The following MICAL2 variants were observed in gnomAD, a reference collection of about 807,000 sequenced individuals.
The protein encoded by MICAL2 is microtubule associated monooxygenase, calponin and LIM domain containing 2.
A neutral mutation model predicts 127.3 loss-of-function variants in MICAL2; 77 were observed. That is an observed-to-expected ratio of 0.60 (90% CI 0.50 to 0.73). The LOEUF is 0.73. MICAL2 is among the 30% of genes least tolerant of loss of function. The pLI is 0.00. For missense variants in MICAL2, 1,351 were observed against 1,434.4 expected, an observed-to-expected ratio of 0.94 and a Z score of 0.94; for synonymous variants, 570 against 551.1, an observed-to-expected ratio of 1.03 and a Z score of -0.48.
intron 1 of MICAL2, among the ~76,000 whole-genome samples, chr11:12,131,836 A>T (rs10765925): frequency 0.99 from 150,916 of 152,320 alleles, 74,773 homozygotes; most frequent in East Asian, 1. Context: ...GAGGATGCGA[A>T]GCCTACTCAG....
At position 12,239,483 on chromosome 11, in the gene MICAL2, G is replaced by A. The variant is rs750094616; in HGVS notation, c.2112G>A (p.Gly704=). 11 of 1,614,086 alleles carry A rather than the reference G, an allele frequency of 6.8e-6. No homozygotes were observed. Among genetic ancestry groups the A allele is most frequent in the Non-Finnish European group, 8.5e-6 (10 of 1,180,040 alleles). Residue 704 remains glycine (G), a synonymous_variant, in exon 17 of 28, where the codon GGG becomes GGA. Transcript: ENST00000683283. ...SRSLGSNQEC[G]SSKEGGNQNK... ...GCTTGGGCTCCAATCAAGAGTGTGG[G>A]AGCAGTAAGGAAGGTGGAAATCAGA...
rs117276329 is a variant in MICAL2, at chr11:12,229,560, G to A, written c.1995+2429G>A. Among the ~76,000 whole-genome samples, 281 of 152,298 alleles carry A rather than the reference G, an allele frequency of 1.8e-3. 1 individual carries two copies. The highest frequency in any genetic ancestry group is 2.9e-3 in the Non-Finnish European group (195 of 68,032). The stretch of plus-strand genomic sequence containing the variant: ...TTTACTGCCTTTCTCCATTCACCGC[G>A]TTTCTGCCACTTGGCCCTCAGAGGG... On this transcript the variant is annotated intron_variant, in intron 15 of 27. Transcript: ENST00000683283.
chr11:12,112,093 G>A (rs1849654854), intron 1 of MICAL2, among the ~76,000 whole-genome samples: 1 of 152,166 alleles, frequency 6.6e-6, no homozygotes, highest in South Asian at 2.1e-4. Context: ...AGAGGCTCAG[G>A]TATGGTAGGT....
chr11:12,180,349 A>ATATATATATATATATATATTT (rs11403732), intron 3 of MICAL2, among the ~76,000 whole-genome samples: 4 of 139,680 alleles, frequency 2.9e-5, no homozygotes, highest in Admixed American at 1.5e-4. Context: ...ATATGTATAT[A>ATATATATATATATATATATTT]TTTTTTTTTT....
At chr11:12,114,441 C>T (rs774097548) in intron 1 of MICAL2, among the ~76,000 whole-genome samples, 2 of 152,150 alleles carry the variant, frequency 1.3e-5, no homozygotes, top group Non-Finnish European at 2.9e-5. Flanking sequence ...GTTGGTATGC[C>T]GCATTAGGCC....
intron 2 of MICAL2, among the ~76,000 whole-genome samples, chr11:12,282,367 T>C (rs1463082231): frequency 6.6e-6 from 1 of 152,050 alleles, no homozygotes; most frequent in Non-Finnish European, 1.5e-5. Context: ...TACCCTTCCA[T>C]CCCCCTGGGC....
chr11:12,263,971 C>A (rs530960374), downstream of MICAL2, among the ~76,000 whole-genome samples: 1 of 152,220 alleles, frequency 6.6e-6, no homozygotes, highest in South Asian at 2.1e-4. Context: ...TGGAAACTGT[C>A]ACCAATGCTC....
At chr11:12,224,549 C>T (rs1857183935) in intron 12 of MICAL2, 124 bp from the exon 13 acceptor site, 1 of 1,339,326 alleles carries the variant, frequency 7.5e-7, no homozygotes, top group Admixed American at 2.0e-5. Context: ...GCCCCCTGCC[C>T]TGGCCCCTTG....
chr11:12,119,839 C>T (rs1397926894), intron 1 of MICAL2, among the ~76,000 whole-genome samples: 1 of 152,124 alleles, frequency 6.6e-6, no homozygotes, highest in Admixed American at 6.5e-5. Context: ...ATCCTGGCCA[C>T]CTTGTTTTAC....
Position 12,236,179 on chromosome 11 carries a change from G to C in MICAL2, c.1998G>C (p.Val666=), listed in dbSNP as rs1182788991. Residue 666 remains valine (V), a splice_region_variant and synonymous_variant, in exon 16 of 28, where the codon GTG becomes GTC. Coordinates refer to ENST00000683283, the MANE Select transcript of MICAL2 (RefSeq NM_001282663.2). ...LTFPRKRTPR[V]DGQTGENDMN... ...CCCTGCTTTCTTGGCCATTGCAGGT[G>C]GATGGTCAAACCGGAGAGAATGACA... The C allele has an allele frequency of 6.8e-6, 11 of 1,614,026 alleles. No homozygotes were observed. The South Asian group carries it at 8.8e-5, about 13-fold the overall frequency.
Position 12,256,918 on chromosome 11 carries a change from G to A in MICAL2, c.3089G>A (p.Ser1030Asn), listed in dbSNP as rs186910670. Residue 1030 changes from serine to asparagine, a missense_variant, in exon 24 of 28, where the codon AGC becomes AAC. Around this residue, in one of 2 missense-constraint regions of MICAL2, gnomAD observed 752 missense variants for 719.4 expected, o/e 1.05. Transcript: ENST00000683283. ...TTCCACCGGGAGTGTTTCCGCTGCAGCATCTGTGCCACCACCTTGCGCCTG... is the reference window on the plus strand; with the variant it reads ...TTCCACCGGGAGTGTTTCCGCTGCAACATCTGTGCCACCACCTTGCGCCTG... ...HFFHRECFRC[S>N]ICATTLRLAA... is the part of the protein sequence containing the mutation. The A allele has an allele frequency of 4.3e-6, 7 of 1,614,166 alleles. No homozygotes were observed. In the East Asian group the frequency reaches 1.3e-4, roughly 31 times the overall value.
chr11:12,354,939 C>T lies in MICAL2; in HGVS notation c.5689+82C>T, dbSNP rs1214138616. ...GTGTGCCACAAATCCCAGAGTGGGG[C>T]GCTCTTCCTGCCTGCCAGCCTGCAA... On this transcript the variant is annotated intron_variant, in intron 34 of 34. Transcript: ENST00000646065. 5.3e-5 allele frequency: 70 copies of T among 1,325,568 alleles called. No individual in the cohort carries two copies. The Admixed American group carries it at 7.4e-4, about 14-fold the overall frequency. The allele number at this position is 1,325,568 out of a possible 1,614,324, so 82.1% of individuals were successfully genotyped here.
chr11:12,260,935 G>A, intron 26 of MICAL2: 3 of 985,464 alleles, frequency 3.0e-6, no homozygotes, highest in Non-Finnish European at 3.6e-6. Flanking sequence ...GGGCACTGCA[G>A]GGAAAGCCCA....
intron 22 of MICAL2, chr11:12,249,919 G>C (rs1003875945): frequency 1.3e-5 from 2 of 152,326 alleles, no homozygotes; most frequent in Non-Finnish European, 2.9e-5. Context: ...GAATAAGACA[G>C]GTCACTCAGG....
At chr11:12,193,694 G>A (rs1383873425) in intron 3 of MICAL2, among the ~76,000 whole-genome samples, 2 of 152,216 alleles carry the variant, frequency 1.3e-5, no homozygotes, top group African/African-American at 4.8e-5. Context: ...GTGAAGCCAG[G>A]CAGGTGTAAC....
intron 26 of MICAL2, chr11:12,261,183 G>T (rs1262083633): frequency 1.0e-6 from 1 of 985,508 alleles, no homozygotes; most frequent in Non-Finnish European, 1.2e-6. Flanking sequence ...AGCGTGGCCT[G>T]CCCAGTGAGC....
intron 29 of MICAL2, among the ~76,000 whole-genome samples, chr11:12,297,889 A>C (rs1037808331): frequency 6.6e-6 from 1 of 151,756 alleles, no homozygotes; most frequent in Non-Finnish European, 1.5e-5. Flanking sequence ...TCAATACCAC[A>C]CTGTTTTAAA....
chr11:12,168,605 C>G (rs1293034649), intron 3 of MICAL2, among the ~76,000 whole-genome samples: 1 of 151,302 alleles, frequency 6.6e-6, no homozygotes, highest in African/African-American at 2.4e-5. Flanking sequence ...TATATTTCTG[C>G]CCCCATACTT....
chr11:12,131,299 CAAAAAAAAAAAAAAAA>C (rs60340716), intron 1 of MICAL2, among the ~76,000 whole-genome samples: 1 of 13,702 alleles, frequency 7.3e-5, no homozygotes, highest in Admixed American at 1.6e-3. Flanking sequence ...GACTCCGTCT[CAAAAAAAAAAAAAAAA>C]AAAAAAAAAG....
Sources: allele counts gnomAD v4.1 joint callset (sites outside exome capture counted in the v4.1 genomes callset), GRCh38; gene constraint gnomAD v4.1.1; regional missense constraint gnomAD v4.1.1; transcripts MANE v1.5; gene names NCBI Gene and HGNC (gene_info 2026-07-23, HGNC 2026-07-21).